The following TNIK variants were observed in gnomAD, a reference collection of about 807,000 sequenced individuals.
TNIK encodes TRAF2 and NCK interacting kinase.
Under a neutral mutation model 191.3 loss-of-function variants are expected in TNIK, and 49 were observed. The observed-to-expected ratio is 0.26, with a 90% CI of 0.20 to 0.32. TNIK has a LOEUF of 0.32. Among genes scored for constraint, TNIK ranks in the 10% least tolerant of loss-of-function variants. The pLI is 1.00. For missense variants in TNIK, 1,155 were observed against 1,702.3 expected (o/e 0.68, Z 5.66); for synonymous variants, 594 against 600.9 (o/e 0.99, Z 0.17).
chr3:171,307,353 T>C (rs1753566251), intron 2 of TNIK, among the ~76,000 whole-genome samples: 1 of 152,118 alleles, frequency 6.6e-6, no homozygotes, highest in Non-Finnish European at 1.5e-5. Context: ...GGAAGGCCTC[T>C]TCTTACATAT....
At chr3:171,404,122 T>C (rs1253300022) in intron 1 of TNIK, among the ~76,000 whole-genome samples, 1 of 152,344 alleles carries the variant, frequency 6.6e-6, no homozygotes, top group South Asian at 2.1e-4. Context: ...GTATAACCCA[T>C]ATAAGTGTAT....
At chr3:171,367,706 A>G (rs1337803185) in intron 2 of TNIK, among the ~76,000 whole-genome samples, 1 of 152,104 alleles carries the variant, frequency 6.6e-6, no homozygotes, top group East Asian at 1.9e-4. Flanking sequence ...CTGAGCTCAA[A>G]TGATCCATCT....
At chr3:171,459,693 C>CACACACACACAT (rs1729215906) in intron 1 of TNIK, among the ~76,000 whole-genome samples, 1 of 151,780 alleles carries the variant, frequency 6.6e-6, no homozygotes, top group African/African-American at 2.4e-5. Flanking sequence ...CACACACACA[C>CACACACACACAT]ACACACACAC....
intron 2 of TNIK, among the ~76,000 whole-genome samples, chr3:171,319,987 T>A (rs1755009786): frequency 6.6e-6 from 1 of 152,182 alleles, no homozygotes; most frequent in Admixed American, 6.6e-5. Flanking sequence ...TCTTGAAGGA[T>A]GACCCCGAAA....
intron 9 of TNIK, among the ~76,000 whole-genome samples, chr3:171,173,615 G>A (rs1735609244): frequency 6.6e-6 from 1 of 152,148 alleles, no homozygotes; most frequent in African/African-American, 2.4e-5. Context: ...AGATTTTTAA[G>A]TGTTGCCAAT....
intron 3 of TNIK, among the ~76,000 whole-genome samples, chr3:171,222,212 A>G (rs181899551): frequency 7.7e-4 from 117 of 152,226 alleles, no homozygotes; most frequent in Admixed American, 1.8e-3. Flanking sequence ...TTCTCATCCT[A>G]TAATAAGATG....
chr3:171,157,214 T>C (rs2108712344), intron 12 of TNIK, among the ~76,000 whole-genome samples: 1 of 152,220 alleles, frequency 6.6e-6, no homozygotes, highest in East Asian at 1.9e-4. Context: ...GAGAAGGTGA[T>C]ATATGGGCAA....
chr3:171,393,730 C>T (rs770828141), intron 1 of TNIK, among the ~76,000 whole-genome samples: 10 of 152,150 alleles, frequency 6.6e-5, no homozygotes, highest in South Asian at 2.1e-4. Context: ...TGATCTCTTT[C>T]GTAATTTTCA....
chr3:171,260,026 C>G (rs1458810035), intron 2 of TNIK, among the ~76,000 whole-genome samples: 3 of 152,226 alleles, frequency 2.0e-5, no homozygotes, highest in African/African-American at 4.8e-5. Flanking sequence ...GCAAAAGAAC[C>G]CTGCTAAGTC....
intron 2 of TNIK, among the ~76,000 whole-genome samples, chr3:171,269,775 G>A (rs75327878): frequency 6.6e-6 from 1 of 152,192 alleles, no homozygotes; most frequent in Non-Finnish European, 1.5e-5. Flanking sequence ...TAGAGGGAAG[G>A]TGATATGTGA....
At chr3:171,080,439 A>T (rs567264879) in intron 27 of TNIK, among the ~76,000 whole-genome samples, 2,096 of 147,654 alleles carry the variant, frequency 0.014, 55 homozygotes, top group African/African-American at 0.05. Flanking sequence ...TTATTTATTT[A>T]TTTATTTTTT....
intron 2 of TNIK, among the ~76,000 whole-genome samples, chr3:171,301,544 A>T (rs1752880426): frequency 6.6e-6 from 1 of 152,046 alleles, no homozygotes; most frequent in African/African-American, 2.4e-5. Context: ...CAAACTCCTG[A>T]CTTCAAGTGA....
intron 1 of TNIK, among the ~76,000 whole-genome samples, chr3:171,426,452 G>GT (rs1300027166): frequency 6.6e-5 from 10 of 151,118 alleles, no homozygotes; most frequent in African/African-American, 9.7e-5. Flanking sequence ...TATACCTAAT[G>GT]TAAATGACGA....
At chr3:171,163,636 G>C (rs1280624886) in intron 10 of TNIK, among the ~76,000 whole-genome samples, 2 of 152,126 alleles carry the variant, frequency 1.3e-5, no homozygotes, top group African/African-American at 4.8e-5. Flanking sequence ...CCCTAAAAAT[G>C]AAATATTCCA....
chr3:171,291,561 C>T (rs1360366664), intron 2 of TNIK, among the ~76,000 whole-genome samples: 1 of 152,198 alleles, frequency 6.6e-6, no homozygotes, highest in African/African-American at 2.4e-5. Flanking sequence ...TTTAAAGATA[C>T]TGTTAAACTC....
intron 28 of TNIK, among the ~76,000 whole-genome samples, chr3:171,079,079 G>A (rs1475639603): frequency 6.6e-6 from 1 of 152,130 alleles, no homozygotes; most frequent in African/African-American, 2.4e-5. Flanking sequence ...TAGTTCCTGG[G>A]CCTTTCCAGG....
intron 2 of TNIK, among the ~76,000 whole-genome samples, chr3:171,361,487 A>C (rs1422625156): frequency 6.6e-6 from 1 of 152,184 alleles, no homozygotes; most frequent in African/African-American, 2.4e-5. Flanking sequence ...ATCATAGCAC[A>C]AGGTGGCATG....
intron 1 of TNIK, among the ~76,000 whole-genome samples, chr3:171,393,998 G>A (rs1177083074): frequency 6.6e-6 from 1 of 152,096 alleles, no homozygotes; most frequent in Non-Finnish European, 1.5e-5. Flanking sequence ...AAATAATATA[G>A]CATCTTACAA....
At chr3:171,416,667 A>C (rs977919178) in intron 1 of TNIK, among the ~76,000 whole-genome samples, 1 of 152,176 alleles carries the variant, frequency 6.6e-6, no homozygotes, top group African/African-American at 2.4e-5. Flanking sequence ...CTCCAATCAC[A>C]TACATCTCAT....
Sources: allele counts gnomAD v4.1 joint callset (sites outside exome capture counted in the v4.1 genomes callset), GRCh38; gene constraint gnomAD v4.1.1; transcripts MANE v1.5; gene names NCBI Gene and HGNC (gene_info 2026-07-23, HGNC 2026-07-21).